LYN: variants seen among roughly 807,000 people sequenced by gnomAD.
LYN encodes the protein LYN proto-oncogene, Src family tyrosine kinase, also known as tyrosine-protein kinase Lyn.
Under a neutral mutation model 65.0 loss-of-function variants are expected in LYN, and 12 were observed. The ratio of observed to expected loss-of-function variants is 0.18; its 90% CI spans 0.12 to 0.30. LYN has a LOEUF of 0.30. Among genes scored for constraint, LYN ranks in the 10% least tolerant of loss-of-function variants. The pLI, the probability that LYN is intolerant of heterozygous loss-of-function variation, is 1.00. For synonymous variants in LYN, 222 were observed against 221.2 expected (o/e 1.00, Z -0.03); for missense variants, 380 against 623.2 (o/e 0.61, Z 4.16).
At chr8:55,947,940 G>T (rs565216292) in intron 4 of LYN, among the ~76,000 whole-genome samples, 1 of 152,126 alleles carries the variant, frequency 6.6e-6, no homozygotes, top group East Asian at 1.9e-4. Context: ...ACTTCAGGGG[G>T]TTTCCCTTTG....
At chr8:55,892,800 T>C (rs2130365710) in intron 1 of LYN, among the ~76,000 whole-genome samples, 1 of 152,326 alleles carries the variant, frequency 6.6e-6, no homozygotes, top group Admixed American at 6.5e-5. Flanking sequence ...TGTGTATGTG[T>C]GTGTATGTGT....
intron 10 of LYN, among the ~76,000 whole-genome samples, chr8:55,976,056 T>C (rs1364891350): frequency 1.3e-5 from 2 of 152,104 alleles, no homozygotes; most frequent in Non-Finnish European, 2.9e-5. Flanking sequence ...AAAATGCTAT[T>C]CTCTTTGGGT....
At position 56,009,934 on chromosome 8, in the gene LYN, G is replaced by T. The variant is rs778487640; in HGVS notation, c.1363G>T (p.Ala455Ser). ...PGRTNADVMT[A>S]LSQGYRMPRV... ...GAGAACTAATGCCGACGTGATGACC[G>T]CCCTGTCCCAGGGCTACAGGATGCC... The change falls in exon 13 of 13, where the codon GCC becomes TCC. Residue 455 changes from alanine (A) to serine (S), a missense_variant. By Grantham distance (99) the Ala-to-Ser change is moderately conservative. Transcript: ENST00000519728. The T allele has an allele frequency of 9.3e-6, 15 of 1,613,890 alleles. No individual in the cohort carries two copies. In the South Asian group the frequency reaches 1.6e-4, roughly 18 times the overall value.
intron 1 of LYN, among the ~76,000 whole-genome samples, chr8:55,903,778 C>A (rs1294963494): frequency 6.6e-6 from 1 of 152,160 alleles, no homozygotes; most frequent in Non-Finnish European, 1.5e-5. Context: ...CTATGGGAGG[C>A]CAAGGTAGGA....
chr8:55,967,171 T>C (rs1807483066), intron 9 of LYN, among the ~76,000 whole-genome samples: 1 of 151,074 alleles, frequency 6.6e-6, no homozygotes, highest in African/African-American at 2.4e-5. Context: ...TAGCCCCCAA[T>C]AAATATTTAT....
intron 10 of LYN, among the ~76,000 whole-genome samples, chr8:55,994,986 G>A (rs989918791): frequency 6.6e-6 from 1 of 152,060 alleles, no homozygotes; most frequent in East Asian, 1.9e-4. Context: ...CCTGATCTTC[G>A]CTCTCCACTT....
At chr8:55,950,986 T>C (rs1404568636) in intron 6 of LYN, among the ~76,000 whole-genome samples, 2 of 152,208 alleles carry the variant, frequency 1.3e-5, no homozygotes, top group Non-Finnish European at 2.9e-5. Context: ...CTCACACCTG[T>C]AATCCTAACA....
Position 55,901,152 on chromosome 8 carries a change from T to C in LYN, c.-6+21049T>C, listed in dbSNP as rs558965650. On this transcript the variant is annotated intron_variant, in intron 1 of 12. Transcript: ENST00000519728. ...GTGTCTCATATGATGTTCATAATGCTTTTTTTTCCCTCTCCTTCCCCCCGT... is the reference window on the plus strand; with the variant it reads ...GTGTCTCATATGATGTTCATAATGCCTTTTTTTCCCTCTCCTTCCCCCCGT... 3.3e-5 allele frequency among the ~76,000 whole-genome samples: 5 copies of C among 152,068 alleles called. No individual in the cohort carries two copies. In the South Asian group the frequency reaches 6.3e-4, roughly 19 times the overall value.
At position 55,962,710 on chromosome 8, in the gene LYN, T is replaced by C. The variant is rs1807321431; in HGVS notation, c.791-4005T>C. ...ATCCATTTATTTCACCATTTACTGA[T>C]GAAATTGGAGTTCATGTTAGTCCAT... On this transcript the variant is annotated intron_variant, in intron 8 of 12. Coordinates refer to ENST00000519728, the MANE Select transcript of LYN (RefSeq NM_002350.4). Among the ~76,000 whole-genome samples the C allele has an allele frequency of 1.3e-5, 2 of 152,252 alleles. 1 individual carries two copies. Among genetic ancestry groups the C allele is most frequent in the South Asian group, 4.1e-4 (2 of 4,836 alleles).
At chr8:55,901,692 T>C (rs943574934) in intron 1 of LYN, among the ~76,000 whole-genome samples, 3 of 152,224 alleles carry the variant, frequency 2.0e-5, no homozygotes, top group Non-Finnish European at 2.9e-5. Flanking sequence ...CAGGAAACCC[T>C]ACCTGGAAGC....
At chr8:55,918,559 A>AT (rs1182374432) in intron 1 of LYN, among the ~76,000 whole-genome samples, 2 of 152,218 alleles carry the variant, frequency 1.3e-5, no homozygotes, top group Non-Finnish European at 2.9e-5. Context: ...TCTAGAAACG[A>AT]TTGTTAAGGA....
intron 8 of LYN, among the ~76,000 whole-genome samples, chr8:55,964,325 T>C (rs1006269689): frequency 5.9e-5 from 9 of 152,156 alleles, no homozygotes; most frequent in African/African-American, 1.9e-4. Context: ...CTCAAAGTGC[T>C]GGGATTACAG....
At chr8:55,911,833 C>T (rs1183849048) in intron 1 of LYN, among the ~76,000 whole-genome samples, 2 of 152,134 alleles carry the variant, frequency 1.3e-5, no homozygotes, top group Non-Finnish European at 2.9e-5. Context: ...TTTTAAACTT[C>T]AGCACCTGGT....
chr8:55,999,796 A>T (rs1585680538), intron 12 of LYN, among the ~76,000 whole-genome samples: 1 of 151,720 alleles, frequency 6.6e-6, no homozygotes, highest in South Asian at 2.1e-4. Context: ...ACATGGAGAA[A>T]CCCCGTCTCT....
intron 10 of LYN, among the ~76,000 whole-genome samples, chr8:55,978,962 C>G (rs1807838653): frequency 6.6e-6 from 1 of 152,098 alleles, no homozygotes; most frequent in African/African-American, 2.4e-5. Context: ...GCTTTTCTCT[C>G]CATGCTTCCC....
intron 10 of LYN, among the ~76,000 whole-genome samples, chr8:55,983,752 G>A (rs904557114): frequency 6.6e-5 from 10 of 152,122 alleles, no homozygotes; most frequent in Non-Finnish European, 1.2e-4. Context: ...TCACCAGCCA[G>A]CTTCTCATTT....
At chr8:55,933,942 C>G (rs1806339897) in intron 1 of LYN, among the ~76,000 whole-genome samples, 1 of 152,088 alleles carries the variant, frequency 6.6e-6, no homozygotes, top group Non-Finnish European at 1.5e-5. Context: ...AAAGAAGGAG[C>G]TTTGGCCAGG....
In LYN at chr8:56,002,604, A is replaced by AAAATTAAATTAAATT. The variant is rs56143558; in HGVS notation, c.1336+3089_1336+3103dup. Among the ~76,000 whole-genome samples the AAAATTAAATTAAATT allele has an allele frequency of 8.2e-3, 1,197 of 145,148 alleles. 26 individuals carry two copies. Among genetic ancestry groups the AAAATTAAATTAAATT allele is most frequent in the African/African-American group, 0.031 (1,150 of 37,312 alleles). ...GCGACAGGAAGGAGACTCCATCTCA[A>AAAATTAAATTAAATT]AAATTAAATTAAATTAAATTAAATT... On this transcript the variant is annotated intron_variant, in intron 12 of 12. Transcript: ENST00000519728.
rs1807471488 is a variant in LYN, at chr8:55,966,765, A to G, written c.841A>G (p.Thr281Ala). The G allele has an allele frequency of 6.2e-7, 1 of 1,614,134 alleles. No individual in the cohort carries two copies. Among genetic ancestry groups the G allele is most frequent in the African/African-American group, 1.3e-5 (1 of 75,046 alleles). Residue 281 changes from threonine to alanine, a missense_variant, in exon 9 of 13, where the codon ACT becomes GCT. By Grantham distance (58) the Thr-to-Ala change is moderately conservative. Coordinates refer to ENST00000519728, the MANE Select transcript of LYN (RefSeq NM_002350.4). ...GGCTGTGAAAACCCTGAAGCCAGGA[A>G]CTATGTCTGTGCAAGCCTTCCTGGA... ...KVAVKTLKPG[T>A]MSVQAFLEEA...
Sources: gnomAD v4.1 joint callset for allele counts (sites outside exome capture counted in the v4.1 genomes callset) on GRCh38, gnomAD v4.1.1 for gene constraint, MANE v1.5 for transcripts, NCBI Gene and HGNC (gene_info 2026-07-23, HGNC 2026-07-21) for gene names.